Variants in RIN2 observed in about 807,000 individuals in gnomAD.
RIN2 encodes RAB5 interacting protein 2.
Under a neutral mutation model 78.0 loss-of-function variants are expected in RIN2, and 36 were observed. The observed-to-expected ratio is 0.46, with a 90% CI of 0.35 to 0.61. The LOEUF (loss-of-function observed/expected upper bound fraction) is 0.61. Ranked by LOEUF, RIN2 falls within the 20% of genes least tolerant of loss-of-function variation. RIN2 has a pLI of 0.00. For synonymous variants in RIN2, 466 were observed against 466.8 expected (o/e 1.00, Z 0.02); for missense variants, 1,087 against 1,159.7 (o/e 0.94, Z 0.91).
chr20:19,851,439 G>A (rs1051874721), intron 2 of RIN2, among the ~76,000 whole-genome samples: 4 of 152,028 alleles, frequency 2.6e-5, no homozygotes, highest in Admixed American at 6.6e-5. Context: ...CCTTGGTCTT[G>A]GGGCTGGGCA....
intron 2 of RIN2, among the ~76,000 whole-genome samples, chr20:19,883,290 G>A (rs2038082389): frequency 6.6e-6 from 1 of 151,986 alleles, no homozygotes; most frequent in African/African-American, 2.4e-5. Context: ...GAAAATGAGG[G>A]CATTGGATAG....
At chr20:19,906,583 T>A (rs2039227888) in intron 3 of RIN2, among the ~76,000 whole-genome samples, 1 of 152,148 alleles carries the variant, frequency 6.6e-6, no homozygotes, top group Non-Finnish European at 1.5e-5. Flanking sequence ...ACATTTGGCC[T>A]CAGTATTAGA....
At chr20:19,978,335 G>A (rs1377614205) in intron 9 of RIN2, among the ~76,000 whole-genome samples, 1 of 152,174 alleles carries the variant, frequency 6.6e-6, no homozygotes, top group Non-Finnish European at 1.5e-5. Flanking sequence ...TCATTCTTAG[G>A]TGAAAATGAC....
intron 3 of RIN2, among the ~76,000 whole-genome samples, chr20:19,913,937 G>A (rs929039949): frequency 7.2e-5 from 11 of 152,114 alleles, no homozygotes; most frequent in African/African-American, 1.2e-4. Context: ...CTCTTGCCCC[G>A]AATAAAAATA....
chr20:19,857,351 A>C, intron 2 of RIN2, among the ~76,000 whole-genome samples: 1 of 152,186 alleles, frequency 6.6e-6, no homozygotes, highest in Non-Finnish European at 1.5e-5. Flanking sequence ...TTGTATGAAT[A>C]ATACAATGGA....
In RIN2 at chr20:19,999,778, G is replaced by A. The variant is rs73901381; in HGVS notation, c.2365-835G>A. Among the ~76,000 whole-genome samples, 624 of 152,248 alleles carry A rather than the reference G, an allele frequency of 4.1e-3. 5 individuals are homozygous for A. The highest frequency in any genetic ancestry group is 0.014 in the African/African-American group (575 of 41,534). On this transcript the variant is annotated intron_variant, in intron 12 of 12. Coordinates refer to ENST00000255006, the MANE Select transcript of RIN2 (RefSeq NM_018993.4). Reference sequence around the variant, plus strand: ...GATTGCAGCACCTGAGCCTGCAAACGTCTTTGTTTAATTCCCTGCAGCACC... The same window carrying A: ...GATTGCAGCACCTGAGCCTGCAAACATCTTTGTTTAATTCCCTGCAGCACC...
intron 4 of RIN2, among the ~76,000 whole-genome samples, chr20:19,948,010 A>G (rs2146195854): frequency 6.6e-6 from 1 of 152,364 alleles, no homozygotes; most frequent in Non-Finnish European, 1.5e-5. Flanking sequence ...TGCTTTTGAG[A>G]AACTGTGATA....
chr20:19,771,721 TCTC>T (rs1013619797), intron 1 of RIN2, among the ~76,000 whole-genome samples: 5 of 152,168 alleles, frequency 3.3e-5, no homozygotes, highest in African/African-American at 1.2e-4. Context: ...TTTCCTTTCT[TCTC>T]CTCTCTGATC....
At chr20:19,766,544 A>G (rs1425846534) in intron 1 of RIN2, among the ~76,000 whole-genome samples, 3 of 152,090 alleles carry the variant, frequency 2.0e-5, no homozygotes, top group African/African-American at 7.2e-5. Context: ...TTCACAATGG[A>G]AGAGATGTCT....
At chr20:19,922,073 C>T (rs184248399) in intron 3 of RIN2, among the ~76,000 whole-genome samples, 10 of 152,300 alleles carry the variant, frequency 6.6e-5, no homozygotes, top group African/African-American at 2.2e-4. Context: ...ACCATATTGG[C>T]CAGGCTAGTC....
chr20:19,776,640 A>G (rs6046310), intron 1 of RIN2, among the ~76,000 whole-genome samples: 61,093 of 151,486 alleles, frequency 0.4, 15,940 homozygotes, highest in African/African-American at 0.75. Context: ...GCTGAGGTGG[A>G]AGAATTGCTT....
At chr20:19,923,142 G>A (rs2123812821) in intron 3 of RIN2, among the ~76,000 whole-genome samples, 1 of 152,328 alleles carries the variant, frequency 6.6e-6, no homozygotes, top group East Asian at 1.9e-4. Flanking sequence ...CAAGAGGCCA[G>A]CGCGGTAGCT....
intron 2 of RIN2, among the ~76,000 whole-genome samples, chr20:19,809,968 A>C (rs943598921): frequency 6.6e-6 from 1 of 152,098 alleles, no homozygotes; most frequent in African/African-American, 2.4e-5. Flanking sequence ...GACCACTGAG[A>C]TAGAACTCCA....
chr20:19,814,027 T>G (rs1286538943), intron 2 of RIN2, among the ~76,000 whole-genome samples: 2 of 152,190 alleles, frequency 1.3e-5, no homozygotes, highest in African/African-American at 4.8e-5. Context: ...ATGTGCTAAA[T>G]AGGTCAGAAT....
chr20:19,856,787 G>T (rs1477332512), intron 2 of RIN2, among the ~76,000 whole-genome samples: 3 of 152,122 alleles, frequency 2.0e-5, no homozygotes, highest in African/African-American at 7.2e-5. Flanking sequence ...TCCAGCGACT[G>T]GTCATCAGAA....
At chr20:19,980,935 A>G (rs559009176) in intron 9 of RIN2, among the ~76,000 whole-genome samples, 1 of 152,332 alleles carries the variant, frequency 6.6e-6, no homozygotes, top group African/African-American at 2.4e-5. Context: ...GGCCCAGGTG[A>G]AGTCACAGCC....
At position 19,764,918 on chromosome 20, in the gene RIN2, G is replaced by GTTTTTTT. The variant is rs10605325; in HGVS notation, c.-163+6610_-163+6616dup. 1.2e-3 allele frequency among the ~76,000 whole-genome samples: 59 copies of GTTTTTTT among 50,392 alleles called. 8 individuals carry two copies. The highest frequency in any genetic ancestry group is 4.5e-3 in the South Asian group (3 of 666). 33.1% of individuals were successfully genotyped at this position (50,392 alleles called of 152,430 possible). A position where few individuals can be genotyped will look rare whatever the true frequency, so the allele number is the denominator to read the frequency against. On this transcript the variant is annotated intron_variant, in intron 1 of 12. Coordinates refer to ENST00000255006, the MANE Select transcript of RIN2 (RefSeq NM_018993.4). ...GGGCAAGTCCCACTTCACTTTCTGC[G>GTTTTTTT]TTTTTTTTTTTTTTTTTTTTTTTTT...
At chr20:19,991,567 A>G (rs1309131964) in intron 10 of RIN2, among the ~76,000 whole-genome samples, 5 of 152,248 alleles carry the variant, frequency 3.3e-5, no homozygotes, top group African/African-American at 1.2e-4. Flanking sequence ...GGACAAAATT[A>G]TCTCCAGTTG....
chr20:19,891,083 T>C (rs1481489986), intron 3 of RIN2, among the ~76,000 whole-genome samples: 3 of 152,238 alleles, frequency 2.0e-5, no homozygotes, highest in Non-Finnish European at 4.4e-5. Flanking sequence ...GTTTACAGTC[T>C]TAATTTTCTG....
Sources: gnomAD v4.1 joint callset for allele counts (sites outside exome capture counted in the v4.1 genomes callset) on GRCh38, gnomAD v4.1.1 for gene constraint, MANE v1.5 for transcripts, NCBI Gene and HGNC (gene_info 2026-07-23, HGNC 2026-07-21) for gene names.